The following SH3RF3 variants were observed in gnomAD, a reference collection of about 807,000 sequenced individuals.
The protein encoded by SH3RF3 is E3 ubiquitin-protein ligase SH3RF3.
A neutral mutation model predicts 66.3 loss-of-function variants in SH3RF3; 29 were observed. That is an observed-to-expected ratio of 0.44 (90% confidence interval 0.33 to 0.60). The LOEUF is 0.60. SH3RF3 is among the 20% of genes least tolerant of loss of function. The pLI is 0.04. For missense variants in SH3RF3, 1,194 were observed against 1,190.9 expected (o/e 1.00, Z -0.04); for synonymous variants, 583 against 532.0 (o/e 1.10, Z -1.32).
chr2:109,325,148 G>A (rs1052685602), intron 1 of SH3RF3, among the ~76,000 whole-genome samples: 3 of 152,002 alleles, frequency 2.0e-5, no homozygotes, highest in Non-Finnish European at 4.4e-5. Flanking sequence ...TTCCTCTGCA[G>A]TGCTCGGAAA....
chr2:109,476,566 A>G (rs1341795354), intron 8 of SH3RF3, among the ~76,000 whole-genome samples: 1 of 152,160 alleles, frequency 6.6e-6, no homozygotes, highest in Non-Finnish European at 1.5e-5. Flanking sequence ...CTTTCCTCTA[A>G]AGCTCTCGGG....
chr2:109,484,702 T>C (rs2104774626), intron 8 of SH3RF3, among the ~76,000 whole-genome samples: 1 of 152,288 alleles, frequency 6.6e-6, no homozygotes, highest in East Asian at 1.9e-4. Flanking sequence ...AGTGATGCAA[T>C]AAATCAAATA....
chr2:109,313,306 G>T (rs372352391), intron 1 of SH3RF3, among the ~76,000 whole-genome samples: 8 of 152,338 alleles, frequency 5.3e-5, no homozygotes, highest in Admixed American at 2.0e-4. Context: ...CCATCCCAAG[G>T]GGGGAGGCTG....
Position 109,495,477 on chromosome 2 carries a change from C to CTTTTTTTT in SH3RF3, c.2480+4566_2480+4573dup, listed in dbSNP as rs569509984. Reference sequence around the variant, plus strand: ...ATTTCATCCTGAATATCTTTCATTCCTTTTTTTTTTTTTTTTTTTTTTTTT... The same window carrying CTTTTTTTT: ...ATTTCATCCTGAATATCTTTCATTCCTTTTTTTTTTTTTTTTTTTTTTTTTTTTTTTTT... On this transcript the variant is annotated intron_variant, in intron 9 of 9. Coordinates refer to ENST00000309415, the MANE Select transcript of SH3RF3 (RefSeq NM_001099289.3). Among the ~76,000 whole-genome samples, 169 of 94,260 alleles carry CTTTTTTTT rather than the reference C, an allele frequency of 1.8e-3. 18 individuals carry two copies. Among genetic ancestry groups the CTTTTTTTT allele is most frequent in the African/African-American group, 6.2e-3 (136 of 21,906 alleles). 61.8% of individuals were successfully genotyped at this position (94,260 alleles called of 152,430 possible). A position where few individuals can be genotyped will look rare whatever the true frequency, so the allele number is the denominator to read the frequency against.
chr2:109,218,953 T>C (rs1200605271), intron 1 of SH3RF3, among the ~76,000 whole-genome samples: 3 of 151,974 alleles, frequency 2.0e-5, no homozygotes, highest in Non-Finnish European at 4.4e-5. Context: ...TGTAGAGGGG[T>C]GTGTCTCTCT....
At chr2:109,245,220 T>C (rs1449937134) in intron 1 of SH3RF3, among the ~76,000 whole-genome samples, 1 of 152,120 alleles carries the variant, frequency 6.6e-6, no homozygotes, top group Non-Finnish European at 1.5e-5. Context: ...CCTGTCTCTC[T>C]AGGGTCATCT....
rs547836882 is a variant in SH3RF3, at chr2:109,157,310, C to G, written c.573+27197C>G. Among the ~76,000 whole-genome samples the G allele has an allele frequency of 2.0e-5, 3 of 152,336 alleles. No individual in the cohort carries two copies. In the South Asian group the frequency reaches 6.2e-4, roughly 32 times the overall value. ...TGTCTCCTACAGTGATCCTTCACAG[C>G]ACCTTTTTAAAAACTTAAAATTCAA... On this transcript the variant is annotated intron_variant, in intron 1 of 9. Transcript: ENST00000309415.
At chr2:109,159,199 G>C (rs1677424523) in intron 1 of SH3RF3, among the ~76,000 whole-genome samples, 1 of 152,216 alleles carries the variant, frequency 6.6e-6, no homozygotes, top group Non-Finnish European at 1.5e-5. Context: ...TCTGAGCCGT[G>C]GTGCCAGGCT....
chr2:109,454,107 T>C (rs1677966108), intron 8 of SH3RF3, among the ~76,000 whole-genome samples: 1 of 152,212 alleles, frequency 6.6e-6, no homozygotes, highest in African/African-American at 2.4e-5. Flanking sequence ...TTACATTACA[T>C]GGTGAGATAA....
At chr2:109,391,407 G>A (rs531478963) in intron 3 of SH3RF3, among the ~76,000 whole-genome samples, 1 of 152,312 alleles carries the variant, frequency 6.6e-6, no homozygotes, top group South Asian at 2.1e-4. Context: ...TCACCCACAG[G>A]CTCGGGGAGG....
chr2:109,317,653 T>C (rs1023510839), intron 1 of SH3RF3, among the ~76,000 whole-genome samples: 6 of 152,188 alleles, frequency 3.9e-5, no homozygotes, highest in African/African-American at 1.4e-4. Context: ...TGGCTGAGTT[T>C]AAATGACTTC....
At chr2:109,265,634 G>A (rs1417494855) in intron 1 of SH3RF3, among the ~76,000 whole-genome samples, 1 of 152,248 alleles carries the variant, frequency 6.6e-6, no homozygotes, top group Non-Finnish European at 1.5e-5. Context: ...GTCCTGCCAG[G>A]TGGCCAACGC....
chr2:109,172,631 G>A (rs772407978), intron 1 of SH3RF3, among the ~76,000 whole-genome samples: 35 of 152,152 alleles, frequency 2.3e-4, no homozygotes, highest in Non-Finnish European at 4.1e-4. Context: ...TCACCTCTCC[G>A]GAGCCCATAG....
At chr2:109,386,080 A>G (rs1008107655) in intron 3 of SH3RF3, among the ~76,000 whole-genome samples, 3 of 152,198 alleles carry the variant, frequency 2.0e-5, no homozygotes, top group African/African-American at 7.2e-5. Flanking sequence ...GAAAAATCTC[A>G]AAAGAATGTA....
At position 109,490,742 on chromosome 2, in the gene SH3RF3, C is replaced by G. The variant is rs1027859610; in HGVS notation, c.2286C>G (p.Pro762=). The change falls in exon 9 of 10, where the codon CCC becomes CCG. Residue 762 remains proline (P), a synonymous_variant. Transcript: ENST00000309415. ...VDALLQGAVG[P]EVSSLSIHGR... is the part of the protein sequence containing the mutation. ...CCCTGCTCCAAGGTGCAGTGGGCCC[C>G]GAAGTGTCCTCACTGTCCATCCACG... is the stretch of plus-strand genomic sequence containing the variant. 2.6e-6 allele frequency: 4 copies of G among 1,536,192 alleles called. No homozygotes were observed. In the African/African-American group the frequency reaches 5.5e-5, roughly 21 times the overall value.
chr2:109,405,405 G>A (rs1422113386), intron 4 of SH3RF3, among the ~76,000 whole-genome samples: 1 of 152,126 alleles, frequency 6.6e-6, no homozygotes, highest in Non-Finnish European at 1.5e-5. Context: ...CCCTTGGAAG[G>A]TTCTGGGGAG....
At chr2:109,365,969 T>C (rs1004468057) in intron 2 of SH3RF3, among the ~76,000 whole-genome samples, 2 of 152,238 alleles carry the variant, frequency 1.3e-5, no homozygotes, top group African/African-American at 2.4e-5. Flanking sequence ...ACAAGAAAAT[T>C]ACATGCTGCT....
intron 2 of SH3RF3, among the ~76,000 whole-genome samples, chr2:109,354,167 T>A (rs1682896816): frequency 6.6e-6 from 1 of 151,672 alleles, no homozygotes; most frequent in African/African-American, 2.4e-5. Context: ...CCTTTTTAAT[T>A]TTCCCTTCTC....
At chr2:109,179,061 G>A (rs1219427300) in intron 1 of SH3RF3, among the ~76,000 whole-genome samples, 1 of 146,244 alleles carries the variant, frequency 6.8e-6, no homozygotes, top group Non-Finnish European at 1.5e-5. Flanking sequence ...ATGAGAGTCT[G>A]TAAGTAAACT....
Sources: allele counts gnomAD v4.1 joint callset (sites outside exome capture counted in the v4.1 genomes callset), GRCh38; gene constraint gnomAD v4.1.1; transcripts MANE v1.5; gene names NCBI Gene and HGNC (gene_info 2026-07-23, HGNC 2026-07-21).